CFAP299: variants seen among roughly 807,000 people sequenced by gnomAD.
The protein encoded by CFAP299 is cilia- and flagella-associated protein 299.
A neutral mutation model predicts 27.0 loss-of-function variants in CFAP299; 21 were observed. The observed-to-expected ratio is 0.78, with a 90% CI of 0.55 to 1.12. The LOEUF is 1.12. CFAP299 is among the 50% of genes most tolerant of loss of function. CFAP299 has a pLI of 0.00. For missense variants in CFAP299, 310 were observed against 276.6 expected (o/e 1.12, Z -0.86); for synonymous variants, 104 against 98.1 (o/e 1.06, Z -0.36).
intron 2 of CFAP299, among the ~76,000 whole-genome samples, chr4:80,451,133 G>A (rs139633209): frequency 4.6e-5 from 7 of 152,284 alleles, no homozygotes; most frequent in African/African-American, 1.7e-4. Context: ...GAGGCTGGAA[G>A]TCCAAGATCA....
At chr4:80,918,852 T>A (rs2110209392) in intron 4 of CFAP299, among the ~76,000 whole-genome samples, 1 of 152,128 alleles carries the variant, frequency 6.6e-6, no homozygotes, top group Non-Finnish European at 1.5e-5. Context: ...GCATCAGAAG[T>A]TCCGGGTTCA....
Position 80,739,947 on chromosome 4 carries a change from C to T in CFAP299, c.334-130046C>T, listed in dbSNP as rs184234135. Among the ~76,000 whole-genome samples, 441 of 152,226 alleles carry T rather than the reference C, an allele frequency of 2.9e-3. 1 individual carries two copies. Among genetic ancestry groups the T allele is most frequent in the African/African-American group, 9.7e-3 (405 of 41,550 alleles). On this transcript the variant is annotated intron_variant, in intron 3 of 5. Transcript: ENST00000358105. ...CTGCTTATTCAATTCTATTAAAATA[C>T]TGATGCATTCTTCATCATGTCATTT...
chr4:80,837,441 C>A (rs1208540429), intron 3 of CFAP299, among the ~76,000 whole-genome samples: 1 of 152,064 alleles, frequency 6.6e-6, no homozygotes, highest in African/African-American at 2.4e-5. Flanking sequence ...CCGTAGCCCC[C>A]CAACCCCCGA....
chr4:80,412,221 C>T (rs1188102773), intron 2 of CFAP299, among the ~76,000 whole-genome samples: 1 of 152,082 alleles, frequency 6.6e-6, no homozygotes, highest in African/African-American at 2.4e-5. Context: ...TTTTAACTAT[C>T]CCAAGCTTCT....
At chr4:80,351,967 G>A (rs1723035771) in intron 1 of CFAP299, among the ~76,000 whole-genome samples, 1 of 151,066 alleles carries the variant, frequency 6.6e-6, no homozygotes, top group Non-Finnish European at 1.5e-5. Context: ...TTAAAAGGAT[G>A]GGAAATATGT....
At chr4:80,634,209 C>T (rs1429957502) in intron 3 of CFAP299, among the ~76,000 whole-genome samples, 2 of 152,060 alleles carry the variant, frequency 1.3e-5, no homozygotes, top group East Asian at 1.9e-4. Context: ...GTCTTGAACT[C>T]CTGACCTCAT....
chr4:80,961,811 T>C (rs1245591765), intron 5 of CFAP299, among the ~76,000 whole-genome samples: 6 of 151,722 alleles, frequency 4.0e-5, no homozygotes, highest in Non-Finnish European at 7.4e-5. Flanking sequence ...TAACAACCAA[T>C]AAAAATAAAA....
At chr4:80,564,568 G>C (rs1476274531) in intron 2 of CFAP299, among the ~76,000 whole-genome samples, 1 of 151,558 alleles carries the variant, frequency 6.6e-6, no homozygotes, top group Non-Finnish European at 1.5e-5. Flanking sequence ...TCACAGTTAG[G>C]ATCATACTAA....
chr4:80,528,470 G>T (rs987780428), intron 2 of CFAP299, among the ~76,000 whole-genome samples: 5 of 152,036 alleles, frequency 3.3e-5, no homozygotes, highest in African/African-American at 7.2e-5. Flanking sequence ...TTAGTTTGAG[G>T]CAGTAATTCT....
intron 2 of CFAP299, among the ~76,000 whole-genome samples, chr4:80,502,205 C>G (rs561067109): frequency 3.2e-4 from 49 of 152,098 alleles, no homozygotes; most frequent in African/African-American, 1.2e-3. Context: ...ATCAGTTTAG[C>G]AGATGATTTC....
At chr4:80,616,295 G>C (rs1222456035) in intron 3 of CFAP299, among the ~76,000 whole-genome samples, 1 of 151,998 alleles carries the variant, frequency 6.6e-6, no homozygotes, top group East Asian at 1.9e-4. Context: ...GAACTTATTG[G>C]CTGTGTATGC....
At chr4:80,771,406 C>A (rs1006228529) in intron 3 of CFAP299, among the ~76,000 whole-genome samples, 1 of 152,096 alleles carries the variant, frequency 6.6e-6, no homozygotes, top group African/African-American at 2.4e-5. Flanking sequence ...ATATTAATTA[C>A]AATGCTCGAT....
intron 3 of CFAP299, among the ~76,000 whole-genome samples, chr4:80,779,843 G>C (rs10516648): frequency 0.076 from 11,492 of 152,002 alleles, 499 homozygotes; most frequent in African/African-American, 0.097. Context: ...TAAAATGATA[G>C]GACCTTTCTT....
intron 3 of CFAP299, among the ~76,000 whole-genome samples, chr4:80,785,956 A>G (rs566036778): frequency 4.5e-4 from 68 of 152,296 alleles, no homozygotes; most frequent in Non-Finnish European, 2.6e-4. Flanking sequence ...TAGTAATAAA[A>G]TTTAATGTTC....
upstream of CFAP299, among the ~76,000 whole-genome samples, chr4:80,330,938 A>G (rs1413303175): frequency 1.3e-5 from 2 of 152,230 alleles, no homozygotes; most frequent in South Asian, 2.1e-4. Context: ...GGGTTGACAT[A>G]GTCTTTGCCT....
chr4:80,865,582 C>T (rs765634801), intron 3 of CFAP299, among the ~76,000 whole-genome samples: 21 of 152,124 alleles, frequency 1.4e-4, no homozygotes, highest in African/African-American at 1.9e-4. Flanking sequence ...TAATTCCAAT[C>T]GGATTTTAAA....
intron 2 of CFAP299, among the ~76,000 whole-genome samples, chr4:80,532,355 G>A (rs1733520969): frequency 6.6e-6 from 1 of 152,152 alleles, no homozygotes; most frequent in African/African-American, 2.4e-5. Flanking sequence ...AGAAGGGAAT[G>A]TGATATTAAA....
At chr4:80,651,032 A>AT (rs1438705179) in intron 3 of CFAP299, among the ~76,000 whole-genome samples, 1 of 152,056 alleles carries the variant, frequency 6.6e-6, no homozygotes, top group Admixed American at 6.6e-5. Flanking sequence ...TTAAAAAAAT[A>AT]TTTTTTAAGA....
intron 3 of CFAP299, among the ~76,000 whole-genome samples, chr4:80,669,395 C>T (rs1741341755): frequency 6.6e-6 from 1 of 151,636 alleles, no homozygotes; most frequent in Non-Finnish European, 1.5e-5. Context: ...TGAAGTGATC[C>T]ACCTGCTTAG....
Sources: gnomAD v4.1 joint callset for allele counts (sites outside exome capture counted in the v4.1 genomes callset) on GRCh38, gnomAD v4.1.1 for gene constraint, MANE v1.5 for transcripts, NCBI Gene and HGNC (gene_info 2026-07-23, HGNC 2026-07-21) for gene names.